CNTN1: variants seen among roughly 807,000 people sequenced by gnomAD.
The protein encoded by CNTN1 is contactin-1.
A neutral mutation model predicts 126.4 loss-of-function variants in CNTN1; 38 were observed. That is an observed-to-expected ratio of 0.30 (90% CI 0.23 to 0.39). The LOEUF (loss-of-function observed/expected upper bound fraction) is 0.39, where lower values mean the gene tolerates loss of function less well. Among genes scored for constraint, CNTN1 ranks in the 10% least tolerant of loss-of-function variants. The pLI is 1.00. For synonymous variants in CNTN1, 413 were observed against 422.6 expected, an observed-to-expected ratio of 0.98 and a Z score of 0.28; for missense variants, 1,009 against 1,248.4, an observed-to-expected ratio of 0.81 and a Z score of 2.89.
rs397957366 is a variant in CNTN1, at chr12:40,844,069, A to ATTTTTTTTTTTTTT, written c.-76-64285_-76-64272dup. On this transcript the variant is annotated intron_variant, in intron 1 of 23. Transcript: ENST00000551295. ...ATTGAAAAAATTCTTTGGCACAATG[A>ATTTTTTTTTTTTTT]TTTTTTTTTTTTTTTTGAGACGGAG... Among the ~76,000 whole-genome samples, 299 of 84,608 alleles carry ATTTTTTTTTTTTTT rather than the reference A, an allele frequency of 3.5e-3. 66 individuals are homozygous for ATTTTTTTTTTTTTT. The highest frequency in any genetic ancestry group is 8.7e-3 in the African/African-American group (214 of 24,696). The allele number at this position is 84,608 out of a possible 152,430, so 55.5% of individuals were successfully genotyped here.
At chr12:40,973,541 A>G (rs921021642) in intron 15 of CNTN1, among the ~76,000 whole-genome samples, 6 of 152,292 alleles carry the variant, frequency 3.9e-5, no homozygotes, top group East Asian at 1.9e-4. Context: ...TGGTAAAAAT[A>G]AACAGTTAAC....
chr12:40,927,495 C>G (rs1016751684), intron 6 of CNTN1, among the ~76,000 whole-genome samples: 3 of 151,982 alleles, frequency 2.0e-5, no homozygotes, highest in East Asian at 1.9e-4. Context: ...TGCTGTATGA[C>G]CTCAGGCAAG....
intron 16 of CNTN1, among the ~76,000 whole-genome samples, chr12:40,988,668 T>C (rs953808193): frequency 6.6e-6 from 1 of 152,200 alleles, no homozygotes; most frequent in Non-Finnish European, 1.5e-5. Flanking sequence ...TAAATAGATC[T>C]TTGAATTATT....
At chr12:40,836,187 GTA>G (rs564058583) in intron 1 of CNTN1, among the ~76,000 whole-genome samples, 1,725 of 146,774 alleles carry the variant, frequency 0.012, 30 homozygotes, top group African/African-American at 0.04. Context: ...TGTATATATA[GTA>G]TATATGTATA....
intron 1 of CNTN1, among the ~76,000 whole-genome samples, chr12:40,760,746 A>G (rs893180995): frequency 6.6e-6 from 1 of 152,178 alleles, no homozygotes; most frequent in African/African-American, 2.4e-5. Context: ...GATAGCTCAC[A>G]CCCTGAACTC....
At chr12:40,712,920 G>T (rs1941958853) in intron 1 of CNTN1, among the ~76,000 whole-genome samples, 1 of 152,036 alleles carries the variant, frequency 6.6e-6, no homozygotes, top group African/African-American at 2.4e-5. Context: ...CTGTCATCCT[G>T]CAGGTAATCG....
intron 1 of CNTN1, among the ~76,000 whole-genome samples, chr12:40,773,672 T>C (rs11178301): frequency 7.9e-3 from 76 of 9,662 alleles, no homozygotes; most frequent in African/African-American, 0.015. Flanking sequence ...TATATATATA[T>C]ACACATATAT....
intron 14 of CNTN1, among the ~76,000 whole-genome samples, chr12:40,952,180 G>A (rs930093218): frequency 3.3e-5 from 5 of 152,010 alleles, no homozygotes; most frequent in Admixed American, 6.6e-5. Context: ...AGCTTGACTT[G>A]GTGAAACTAG....
intron 1 of CNTN1, among the ~76,000 whole-genome samples, chr12:40,849,324 G>T (rs1942633896): frequency 6.6e-6 from 1 of 152,044 alleles, no homozygotes; most frequent in South Asian, 2.1e-4. Flanking sequence ...ATTAATAAGG[G>T]TGATTTTATT....
chr12:40,793,937 G>C (rs547821077), intron 1 of CNTN1, among the ~76,000 whole-genome samples: 31 of 143,668 alleles, frequency 2.2e-4, no homozygotes, highest in Non-Finnish European at 3.9e-4. Context: ...TAATACATTA[G>C]AAATGTAAAT....
intron 20 of CNTN1, among the ~76,000 whole-genome samples, chr12:41,022,950 G>C (rs962372119): frequency 6.6e-6 from 1 of 152,068 alleles, no homozygotes; most frequent in Non-Finnish European, 1.5e-5. Flanking sequence ...AAAGAGACAA[G>C]CACGAACACT....
intron 3 of CNTN1, among the ~76,000 whole-genome samples, chr12:40,916,541 C>T (rs1441247834): frequency 6.6e-6 from 1 of 151,950 alleles, no homozygotes; most frequent in Non-Finnish European, 1.5e-5. Context: ...GCTGTTACAA[C>T]CTGAAGAGCC....
chr12:40,969,638 AT>A (rs1378994148), intron 15 of CNTN1, among the ~76,000 whole-genome samples: 2 of 152,156 alleles, frequency 1.3e-5, no homozygotes, highest in Non-Finnish European at 2.9e-5. Flanking sequence ...TTTAATTGTT[AT>A]TTGCTTAATG....
rs577292861 is a variant in CNTN1 at position 41,071,965 on chromosome 12, G to A, written c.*1930G>A. The A allele has an allele frequency of 3.9e-5, 6 of 152,196 alleles. No homozygotes were observed. In the East Asian group the frequency reaches 9.7e-4, roughly 24 times the overall value. 9.4% of individuals were successfully genotyped at this position (152,196 alleles called of 1,614,324 possible). On this transcript the variant is annotated 3_prime_UTR_variant, in exon 24 of 24. Transcript: ENST00000551295. ...TTATTTTCTAATATATGATAATAAC[G>A]AGCAAAACTGGTTAGATTTTGCATG...
At chr12:40,773,003 T>C (rs762009969) in intron 1 of CNTN1, among the ~76,000 whole-genome samples, 2 of 151,944 alleles carry the variant, frequency 1.3e-5, no homozygotes, top group African/African-American at 2.4e-5. Context: ...TATACGCACA[T>C]TGGATATACA....
At position 40,700,578 on chromosome 12, in the gene CNTN1, A is replaced by G. The variant is rs114104213; in HGVS notation, c.-77+7986A>G. Among the ~76,000 whole-genome samples, 448 of 152,268 alleles carry G rather than the reference A, an allele frequency of 2.9e-3. 4 individuals carry two copies. Among genetic ancestry groups the G allele is most frequent in the African/African-American group, 0.01 (421 of 41,558 alleles). ...CTGGATTTTCTTTGTTTAGTAGACA[A>G]TGTTCAACTTTAGTCTTCAGGTTTT... On this transcript the variant is annotated intron_variant, in intron 1 of 23. Coordinates refer to ENST00000551295, the MANE Select transcript of CNTN1 (RefSeq NM_001843.4).
chr12:40,788,405 A>G (rs1053187951), intron 1 of CNTN1, among the ~76,000 whole-genome samples: 2 of 152,134 alleles, frequency 1.3e-5, no homozygotes, highest in African/African-American at 2.4e-5. Context: ...TAGCCAGGAC[A>G]GGAAAGGCTG....
At chr12:40,816,711 C>T (rs1941267357) in intron 1 of CNTN1, among the ~76,000 whole-genome samples, 1 of 151,878 alleles carries the variant, frequency 6.6e-6, no homozygotes, top group South Asian at 2.1e-4. Context: ...GCTCTTGCCT[C>T]TCTAGCTCTT....
chr12:40,961,734 A>T (rs1947112612), intron 15 of CNTN1, among the ~76,000 whole-genome samples: 1 of 152,086 alleles, frequency 6.6e-6, no homozygotes, highest in Non-Finnish European at 1.5e-5. Context: ...AAGACTCTCT[A>T]ATAAAATAAA....
Sources: allele counts gnomAD v4.1 joint callset (sites outside exome capture counted in the v4.1 genomes callset), GRCh38; gene constraint gnomAD v4.1.1; transcripts MANE v1.5; gene names NCBI Gene and HGNC (gene_info 2026-07-23, HGNC 2026-07-21).